Variants in CD46 observed in about 807,000 individuals in gnomAD.
CD46 encodes the protein CD46 molecule, also known as membrane cofactor protein.
In CD46, 30 loss-of-function variants were observed where a neutral mutation model predicts 53.3. The ratio of observed to expected loss-of-function variants is 0.56; its 90% CI spans 0.42 to 0.76. CD46 has a LOEUF of 0.76. Among genes scored for constraint, CD46 ranks in the 30% least tolerant of loss-of-function variants. CD46 has a pLI of 0.00. For synonymous variants in CD46, 142 were observed against 152.0 expected (o/e 0.93, Z 0.48); for missense variants, 409 against 463.0 (o/e 0.88, Z 1.07).
chr1:207,761,473 C>A (rs1391103043), intron 5 of CD46, 27 bp downstream of exon 5: 3 of 1,569,326 alleles, frequency 1.9e-6, no homozygotes, highest in East Asian at 4.5e-5. Flanking sequence ...TTTCCTTCTT[C>A]ATTTGTAAAT....
At chr1:207,772,883 A>T (rs1401586819) in intron 8 of CD46, among the ~76,000 whole-genome samples, 1 of 152,182 alleles carries the variant, frequency 6.6e-6, no homozygotes, top group Non-Finnish European at 1.5e-5. Flanking sequence ...CACCTCTACC[A>T]GGCTTTGGTA....
At chr1:207,786,059 CT>C in intron 11 of CD46, 1 of 201,950 alleles carries the variant, frequency 5.0e-6, no homozygotes, top group African/African-American at 2.4e-5. Flanking sequence ...ACTGTGGAGA[CT>C]TTGACAGTTG....
Position 207,767,827 on chromosome 1 carries a change from T to C in CD46, c.901+4T>C. On this transcript the variant is annotated splice_donor_region_variant and intron_variant, in intron 7 of 12. Transcript: ENST00000367042. ...TCTCCAGCGTCCAGTGCCTCAGGTTTAGTAATTTCCTGCTTATAGTTTTTC... is the reference window on the plus strand; with the variant it reads ...TCTCCAGCGTCCAGTGCCTCAGGTTCAGTAATTTCCTGCTTATAGTTTTTC... 6.2e-7 allele frequency: 1 copy of C among 1,603,862 alleles called. No homozygotes were observed. Among genetic ancestry groups the C allele is most frequent in the East Asian group, 2.2e-5 (1 of 44,746 alleles).
At chr1:207,785,847 T>C (rs940736164) in intron 11 of CD46, 165 bp downstream of exon 11, 7 of 595,860 alleles carry the variant, frequency 1.2e-5, no homozygotes, top group Non-Finnish European at 2.1e-5. Context: ...CTAAAAATAT[T>C]TTCAGCTACT....
In CD46 at chr1:207,754,365, T is replaced by C. The variant is rs1349274637; in HGVS notation, c.97+2056T>C. ...GAATGTTACACCCTCAGAGACCTTC[T>C]CTGATCACCCCACCTCGCGACCCCC... On this transcript the variant is annotated intron_variant, in intron 1 of 12. Coordinates refer to ENST00000367042, the MANE Select transcript of CD46 (RefSeq NM_172351.3). Among the ~76,000 whole-genome samples the C allele has an allele frequency of 2.0e-5, 3 of 152,166 alleles. No homozygotes were observed. In the East Asian group the frequency reaches 5.8e-4, roughly 29 times the overall value.
intron 8 of CD46, among the ~76,000 whole-genome samples, chr1:207,782,640 CTTTTTTTTTTTTTTTTT>C (rs35546891): frequency 3.2e-5 from 2 of 62,604 alleles, no homozygotes; most frequent in African/African-American, 7.0e-5. Flanking sequence ...ATTAATCCCT[CTTTTTTTTTTTTTTTTT>C]TTTTTTTTTG....
chr1:207,770,524 G>C (rs886906510), intron 8 of CD46, among the ~76,000 whole-genome samples, 162 bp downstream of exon 8: 1 of 152,090 alleles, frequency 6.6e-6, no homozygotes, highest in African/African-American at 2.4e-5. Flanking sequence ...ATTTATATTA[G>C]GTATTTCTCC....
chr1:207,790,902 C>CAGA (rs1310260837), intron 12 of CD46, among the ~76,000 whole-genome samples: 1 of 152,188 alleles, frequency 6.6e-6, no homozygotes, highest in Non-Finnish European at 1.5e-5. Context: ...CCCTGTCCAC[C>CAGA]TTCTGTCTTT....
At chr1:207,790,933 C>T (rs1659741326) in intron 12 of CD46, among the ~76,000 whole-genome samples, 1 of 152,146 alleles carries the variant, frequency 6.6e-6, no homozygotes, top group Admixed American at 6.6e-5. Context: ...GGAATTATTC[C>T]TCTGTTTGTG....
chr1:207,793,159 G>A (rs1659962361), intron 12 of CD46, among the ~76,000 whole-genome samples: 1 of 152,192 alleles, frequency 6.6e-6, no homozygotes, highest in Non-Finnish European at 1.5e-5. Flanking sequence ...CTTTTTAAAG[G>A]TTCTGTGCCA....
At chr1:207,787,011 A>C (rs1249940017) in intron 11 of CD46, among the ~76,000 whole-genome samples, 1 of 152,196 alleles carries the variant, frequency 6.6e-6, no homozygotes, top group African/African-American at 2.4e-5. Context: ...AGAATTTTTA[A>C]AGGTTCATTA....
intron 8 of CD46, among the ~76,000 whole-genome samples, chr1:207,774,665 A>G (rs746096785): frequency 1.3e-5 from 2 of 152,162 alleles, no homozygotes; most frequent in Non-Finnish European, 1.5e-5. Context: ...TGGATATGAG[A>G]TTCTGGGTTG....
chr1:207,772,843 A>T (rs1657672014), intron 8 of CD46, among the ~76,000 whole-genome samples: 1 of 152,170 alleles, frequency 6.6e-6, no homozygotes, highest in South Asian at 2.1e-4. Context: ...TTCATCAGGG[A>T]TATTGGCCTA....
intron 11 of CD46, 61 bp from the exon 12 acceptor site, chr1:207,790,192 C>A: frequency 1.2e-6 from 1 of 840,470 alleles, no homozygotes; most frequent in African/African-American, 1.7e-5. Context: ...TGTTATGCTA[C>A]TCGTTTCTTT....
At chr1:207,767,386 G>A in intron 6 of CD46, 191 bp downstream of exon 6, 3 of 711,300 alleles carry the variant, frequency 4.2e-6, no homozygotes, top group Non-Finnish European at 4.8e-6. Flanking sequence ...TTCTGCTGTT[G>A]TGATTTTTTG....
intron 11 of CD46, 58 bp downstream of exon 11, chr1:207,785,740 TG>T: frequency 9.1e-7 from 1 of 1,093,210 alleles, no homozygotes. Context: ...AACATGCTTT[TG>T]TGCAGCTTCA....
chr1:207,793,701 A>G lies in CD46; in HGVS notation c.*224A>G, dbSNP rs1660011148. ...TGAGTGCAACTGTGGCTTAGCTAAT[A>G]TTGCAATGTGGCTTGAATGTAGGTA... is the stretch of plus-strand genomic sequence containing the variant. On this transcript the variant is annotated 3_prime_UTR_variant, in exon 13 of 13. Transcript: ENST00000367042. The G allele has an allele frequency of 2.3e-6, 2 of 884,256 alleles. No homozygotes were observed. The highest frequency in any genetic ancestry group is 1.9e-6 in the Non-Finnish European group (1 of 530,800). The allele number at this position is 884,256 out of a possible 1,614,324, so 54.8% of individuals were successfully genotyped here. A position where few individuals can be genotyped will look rare whatever the true frequency, so the allele number is the denominator to read the frequency against.
chr1:207,771,344 G>A lies in CD46; in HGVS notation c.943+982G>A, dbSNP rs569187035. On this transcript the variant is annotated intron_variant, in intron 8 of 12. Transcript: ENST00000367042. Reference sequence around the variant, plus strand: ...GCAAAGATTTTCTCCCATTCTGTACGTTGCCTGTTCACTCTGATGATAGTT... The same window carrying A: ...GCAAAGATTTTCTCCCATTCTGTACATTGCCTGTTCACTCTGATGATAGTT... 1.1e-3 allele frequency among the ~76,000 whole-genome samples: 165 copies of A among 152,238 alleles called. 3 individuals are homozygous for A. Among genetic ancestry groups the A allele is most frequent in the Non-Finnish European group, 4.3e-4 (29 of 68,004 alleles).
At chr1:207,770,218 A>G in intron 7 of CD46, 103 bp from the exon 8 acceptor site, 1 of 829,800 alleles carries the variant, frequency 1.2e-6, no homozygotes, top group South Asian at 1.4e-5. Flanking sequence ...TAAAGTGTGT[A>G]GTTTTCATTT....
Sources: allele counts gnomAD v4.1 joint callset (sites outside exome capture counted in the v4.1 genomes callset), GRCh38; gene constraint gnomAD v4.1.1; transcripts MANE v1.5; gene names NCBI Gene and HGNC (gene_info 2026-07-23, HGNC 2026-07-21).